ECT2: variants seen among roughly 807,000 people sequenced by gnomAD.
ECT2 encodes the protein epithelial cell transforming 2, also known as protein ECT2.
ECT2 carries 61 observed loss-of-function variants against 116.9 expected under a neutral mutation model. The observed-to-expected ratio is 0.52, with a 90% CI of 0.42 to 0.65. The LOEUF (loss-of-function observed/expected upper bound fraction) is 0.65, where lower values mean the gene tolerates loss of function less well. Among genes scored for constraint, ECT2 ranks in the 30% least tolerant of loss-of-function variants. The pLI is 0.00. For synonymous variants in ECT2, 358 were observed against 346.4 expected (o/e 1.03, Z -0.37); for missense variants, 937 against 1,078.7 (o/e 0.87, Z 1.84).
At chr3:172,770,067 G>T (rs1426401450) in intron 13 of ECT2, among the ~76,000 whole-genome samples, 2 of 152,156 alleles carry the variant, frequency 1.3e-5, no homozygotes, top group African/African-American at 4.8e-5. Context: ...TGGTCATAGA[G>T]AAGTTATTTT....
chr3:172,756,350 A>G (rs1017945059), intron 4 of ECT2, among the ~76,000 whole-genome samples: 1 of 152,134 alleles, frequency 6.6e-6, no homozygotes, highest in Non-Finnish European at 1.5e-5. Flanking sequence ...GTACTTTAGT[A>G]TCTTCATTAT....
At chr3:172,753,544 G>A (rs1030714120) in intron 1 of ECT2, among the ~76,000 whole-genome samples, 5 of 152,214 alleles carry the variant, frequency 3.3e-5, no homozygotes, top group African/African-American at 1.2e-4. Flanking sequence ...CCTTTTAGGG[G>A]AGAGGTGTTT....
Position 172,820,357 on chromosome 3 carries a change from C to G in ECT2, c.*120C>G. 1 of 523,344 alleles carries G rather than the reference C, an allele frequency of 1.9e-6. No homozygotes were observed. Among genetic ancestry groups the G allele is most frequent in the Non-Finnish European group, 3.1e-6 (1 of 319,220 alleles). 32.4% of individuals were successfully genotyped at this position (523,344 alleles called of 1,614,324 possible). On this transcript the variant is annotated 3_prime_UTR_variant, in exon 25 of 25. Transcript: ENST00000392692. Reference sequence around the variant, plus strand: ...AAAGCTGGAAGGAAGATAAATAACACTAAACTATGCTATTTGATTTTTCTT... The same window carrying G: ...AAAGCTGGAAGGAAGATAAATAACAGTAAACTATGCTATTTGATTTTTCTT...
chr3:172,800,264 CT>C (rs1376584426), intron 18 of ECT2, among the ~76,000 whole-genome samples: 1 of 152,198 alleles, frequency 6.6e-6, no homozygotes, highest in Non-Finnish European at 1.5e-5. Context: ...ATAAGCCCAG[CT>C]GCTTAAAATG....
At chr3:172,802,838 T>C in intron 19 of ECT2, 23 bp from the exon 20 acceptor site, 1 of 1,594,368 alleles carries the variant, frequency 6.3e-7, no homozygotes, top group African/African-American at 1.4e-5. Flanking sequence ...TGATCTCTTT[T>C]GTTATATTTT....
chr3:172,808,900 G>A (rs1181187369), intron 22 of ECT2, among the ~76,000 whole-genome samples: 2 of 152,154 alleles, frequency 1.3e-5, no homozygotes, highest in African/African-American at 4.8e-5. Context: ...TTTTGTTTGT[G>A]TGTGTGTGTG....
chr3:172,824,633 G>A (rs1363538403), downstream of ECT2, among the ~76,000 whole-genome samples: 1 of 151,914 alleles, frequency 6.6e-6, no homozygotes, highest in Non-Finnish European at 1.5e-5. Context: ...CAGAAAAATT[G>A]GCATATAATA....
intron 7 of ECT2, among the ~76,000 whole-genome samples, chr3:172,760,964 G>A (rs1160961554): frequency 6.6e-6 from 1 of 152,036 alleles, no homozygotes; most frequent in South Asian, 2.1e-4. Context: ...CAGGTGATCT[G>A]CCTGCCTCGG....
intron 12 of ECT2, among the ~76,000 whole-genome samples, chr3:172,768,613 T>C (rs1009107608): frequency 3.3e-5 from 5 of 152,222 alleles, no homozygotes; most frequent in Middle Eastern, 3.2e-3. Flanking sequence ...TCATCAGTTA[T>C]CCTAAAAAGT....
chr3:172,786,993 T>A (rs1723714289), intron 18 of ECT2, among the ~76,000 whole-genome samples: 1 of 152,200 alleles, frequency 6.6e-6, no homozygotes, highest in African/African-American at 2.4e-5. Flanking sequence ...TACCTAGAGT[T>A]CTGTGGAATT....
chr3:172,761,506 G>A lies in ECT2; in HGVS notation c.685-104G>A, dbSNP rs943399034. 58 of 705,416 alleles carry A rather than the reference G, an allele frequency of 8.2e-5. No individual in the cohort carries two copies. In the African/African-American group the frequency reaches 8.4e-4, roughly 10 times the overall value. The allele number at this position is 705,416 out of a possible 1,614,324, so 43.7% of individuals were successfully genotyped here. On this transcript the variant is annotated intron_variant, in intron 7 of 24. Coordinates refer to ENST00000392692, the MANE Select transcript of ECT2 (RefSeq NM_001258315.2). ...TTTTAAATTATTTTGTTACAAAGCA[G>A]ATAGTGATCTAAAACTGCAAAAAAT...
intron 20 of ECT2, among the ~76,000 whole-genome samples, chr3:172,803,394 TA>T (rs1376027547): frequency 6.6e-6 from 1 of 152,216 alleles, no homozygotes; most frequent in Non-Finnish European, 1.5e-5. Context: ...TTTACTATTA[TA>T]AATTCTTTAT....
intron 22 of ECT2, among the ~76,000 whole-genome samples, chr3:172,810,358 T>C (rs894172696): frequency 1.3e-5 from 2 of 152,202 alleles, no homozygotes; most frequent in African/African-American, 4.8e-5. Context: ...AGAGTTGCAA[T>C]CTTCATTCTG....
intron 21 of ECT2, among the ~76,000 whole-genome samples, chr3:172,807,198 A>G (rs182432461): frequency 4.5e-4 from 68 of 152,328 alleles, no homozygotes; most frequent in Non-Finnish European, 8.1e-4. Context: ...TAGTACCTAC[A>G]CAGTGTAAAT....
At chr3:172,772,647 C>A (rs1576898692) in intron 13 of ECT2, among the ~76,000 whole-genome samples, 1 of 152,102 alleles carries the variant, frequency 6.6e-6, no homozygotes, top group African/African-American at 2.4e-5. Flanking sequence ...CAGTTTTTTT[C>A]ATTCATAGAT....
chr3:172,815,693 A>G lies in ECT2; in HGVS notation c.2490A>G (p.Ile830Met), dbSNP rs1365011764. The change falls in exon 23 of 25, where the codon ATA (isoleucine) becomes ATG (methionine). Residue 830 changes from isoleucine to methionine, a missense_variant. By Grantham distance (10) the Ile-to-Met change is conservative (BLOSUM62 1). Coordinates refer to ENST00000392692, the MANE Select transcript of ECT2 (RefSeq NM_001258315.2). ...CATTGAGTAGAGCATCAAGAGCAAT[A>G]AAAAAGACTTCAAAAAAGGTGAGTT... ...DSTLSRASRA[I>M]KKTSKKVTRA... is the part of the protein sequence containing the mutation. 6.3e-7 allele frequency: 1 copy of G among 1,597,050 alleles called. No individual in the cohort carries two copies. The highest frequency in any genetic ancestry group is 1.3e-5 in the African/African-American group (1 of 74,130).
chr3:172,824,391 A>G (rs1047407345), downstream of ECT2, among the ~76,000 whole-genome samples: 8 of 152,202 alleles, frequency 5.3e-5, no homozygotes, highest in Non-Finnish European at 1.2e-4. Flanking sequence ...AGGGAGGGAG[A>G]GAGACGGGGA....
chr3:172,802,883 G>A lies in ECT2; in HGVS notation c.2009G>A (p.Arg670Gln), dbSNP rs766221474. ...CAGGCTAATCTTTTATCTTCTCACC[G>A]AAGCTTAGTACAGCGGGTTGAAACA... Reference protein sequence around the residue: ...GCPANLLSSHRSLVQRVETIS... With the variant: ...GCPANLLSSHQSLVQRVETIS... The change falls in exon 20 of 25, where the codon CGA becomes CAA. Residue 670 changes from arginine (R) to glutamine (Q), a missense_variant. By Grantham distance (43) the Arg-to-Gln change is conservative. Transcript: ENST00000392692. 5 of 1,612,588 alleles carry A rather than the reference G, an allele frequency of 3.1e-6. No individual in the cohort carries two copies. The highest frequency in any genetic ancestry group is 2.5e-6 in the Non-Finnish European group (3 of 1,179,380).
downstream of ECT2, among the ~76,000 whole-genome samples, chr3:172,823,349 T>G (rs1289872494): frequency 6.7e-6 from 1 of 149,958 alleles, no homozygotes; most frequent in Non-Finnish European, 1.5e-5. Context: ...CACAGAAAAT[T>G]AGAAGTTACC....
Sources: gnomAD v4.1 joint callset for allele counts (sites outside exome capture counted in the v4.1 genomes callset) on GRCh38, gnomAD v4.1.1 for gene constraint, MANE v1.5 for transcripts, NCBI Gene and HGNC (gene_info 2026-07-23, HGNC 2026-07-21) for gene names.